Variants in PPP2CB observed in about 807,000 individuals in gnomAD.
PPP2CB encodes protein phosphatase 2 catalytic subunit beta.
PPP2CB carries 18 observed loss-of-function variants against 39.1 expected under a neutral mutation model. The observed-to-expected ratio is 0.46, with a 90% CI of 0.32 to 0.68. The LOEUF is 0.68. Ranked by LOEUF, PPP2CB falls within the 30% of genes least tolerant of loss-of-function variation. The pLI is 0.04. For missense variants in PPP2CB, 226 were observed against 396.9 expected (o/e 0.57, Z 3.66); for synonymous variants, 129 against 133.8 (o/e 0.96, Z 0.25).
At chr8:30,789,319 C>A (rs899306322) in intron 6 of PPP2CB, among the ~76,000 whole-genome samples, 7 of 152,180 alleles carry the variant, frequency 4.6e-5, no homozygotes, top group Non-Finnish European at 8.8e-5. Flanking sequence ...CATGAGCCAC[C>A]GTGCCTGACC....
chr8:30,791,213 T>C lies in PPP2CB; in HGVS notation c.841A>G (p.Thr281Ala). ...GTTACTCACAAGGAATATTTTAAAG[T>C]GTCATCTAATTCCATGATAGCAGCC... is the stretch of plus-strand genomic sequence containing the variant. ...NQAAIMELDD[T>A]LKYSFLQFDP... The change falls in exon 6 of 7, where the codon ACT (threonine) becomes GCT (alanine). Residue 281 changes from threonine (T) to alanine (A), a missense_variant. Thr to Ala is a moderately conservative substitution (Grantham distance 58). Transcript: ENST00000221138. 1.9e-6 allele frequency: 3 copies of C among 1,603,258 alleles called. No individual in the cohort carries two copies. Among genetic ancestry groups the C allele is most frequent in the Non-Finnish European group, 2.6e-6 (3 of 1,174,722 alleles).
chr8:30,805,614 C>T (rs1319679304), intron 1 of PPP2CB, among the ~76,000 whole-genome samples: 1 of 152,060 alleles, frequency 6.6e-6, no homozygotes, highest in Non-Finnish European at 1.5e-5. Context: ...AGCCTACACA[C>T]CGTATCCTGC....
intron 5 of PPP2CB, chr8:30,792,973 A>C (rs1176303398): frequency 6.6e-6 from 1 of 152,122 alleles, no homozygotes; most frequent in Non-Finnish European, 1.5e-5. Flanking sequence ...GCCACTCCCT[A>C]CTGGTCTGCA....
chr8:30,812,470 C>CAG lies in PPP2CB; in HGVS notation c.-50_-49insCT. 1 of 1,351,732 alleles carries CAG rather than the reference C, an allele frequency of 7.4e-7. No individual in the cohort carries two copies. The highest frequency in any genetic ancestry group is 9.8e-7 in the Non-Finnish European group (1 of 1,017,794). 83.7% of individuals were successfully genotyped at this position (1,351,732 alleles called of 1,614,324 possible). A position where few individuals can be genotyped will look rare whatever the true frequency, so the allele number is the denominator to read the frequency against. On this transcript the variant is annotated 5_prime_UTR_variant, in exon 1 of 7. Transcript: ENST00000221138. Reference sequence around the variant, plus strand: ...CCCGAGCCCCAGCCCGGCCGCCGCCCTCCCCCCTCCCCACCCGCCCCCGGC... The same window carrying CAG: ...CCCGAGCCCCAGCCCGGCCGCCGCCCAGTCCCCCCTCCCCACCCGCCCCCGGC...
intron 1 of PPP2CB, among the ~76,000 whole-genome samples, chr8:30,807,515 A>G (rs1477132711): frequency 6.6e-6 from 1 of 152,220 alleles, no homozygotes; most frequent in Non-Finnish European, 1.5e-5. Flanking sequence ...ACATATTTAT[A>G]CTTCTACACA....
chr8:30,794,156 CT>C (rs1806482859), intron 4 of PPP2CB, 35 bp downstream of exon 4: 1 of 1,607,636 alleles, frequency 6.2e-7, no homozygotes, highest in African/African-American at 1.3e-5. Context: ...GTTATATTTT[CT>C]TTTCCTTTCT....
At chr8:30,792,938 C>G (rs192280119) in intron 5 of PPP2CB, among the ~76,000 whole-genome samples, 2 of 151,812 alleles carry the variant, frequency 1.3e-5, no homozygotes, top group Non-Finnish European at 2.9e-5. Flanking sequence ...ACTGGGCTGG[C>G]GAAGTTTTCT....
At chr8:30,791,449 T>G (rs1806426875) in intron 5 of PPP2CB, 134 bp from the exon 6 acceptor site, 2 of 656,136 alleles carry the variant, frequency 3.0e-6, no homozygotes, top group Non-Finnish European at 5.3e-6. Context: ...CTATATAAGG[T>G]CTCCATCTTT....
intron 4 of PPP2CB, 23 bp from the exon 5 acceptor site, chr8:30,794,101 T>C (rs1445091174): frequency 1.9e-6 from 3 of 1,602,350 alleles, no homozygotes; most frequent in East Asian, 2.3e-5. Context: ...AATAAGTACA[T>C]GTTACAAATT....
chr8:30,796,533 C>A (rs1053918695), intron 3 of PPP2CB, among the ~76,000 whole-genome samples: 2 of 152,136 alleles, frequency 1.3e-5, no homozygotes, highest in African/African-American at 4.8e-5. Flanking sequence ...GGACTACAGG[C>A]ATGCAATGCC....
At chr8:30,792,983 A>C (rs1237180680) in intron 5 of PPP2CB, 1 of 152,134 alleles carries the variant, frequency 6.6e-6, no homozygotes, top group African/African-American at 2.4e-5. Context: ...ACTGGTCTGC[A>C]GGGATTATGT....
intron 1 of PPP2CB, among the ~76,000 whole-genome samples, chr8:30,803,825 T>C (rs898183926): frequency 6.6e-6 from 1 of 151,986 alleles, no homozygotes; most frequent in African/African-American, 2.4e-5. Flanking sequence ...TACAATTTTT[T>C]TTTTTTTTTG....
At chr8:30,787,522 T>C (rs188353883) in intron 6 of PPP2CB, among the ~76,000 whole-genome samples, 1 of 152,276 alleles carries the variant, frequency 6.6e-6, no homozygotes, top group East Asian at 1.9e-4. Context: ...GTATTCTTTG[T>C]AGATACAGGG....
At chr8:30,812,177 G>T in intron 1 of PPP2CB, 143 bp downstream of exon 1, 1 of 436,174 alleles carries the variant, frequency 2.3e-6, no homozygotes, top group South Asian at 1.1e-4. Context: ...CGGCCGCCTA[G>T]GTGGACGCCG....
intron 1 of PPP2CB, among the ~76,000 whole-genome samples, chr8:30,806,560 T>C (rs868066165): frequency 3.1e-4 from 47 of 152,222 alleles, no homozygotes; most frequent in Admixed American, 3.1e-3. Context: ...AGATTTCTTA[T>C]ACAGATTACT....
At chr8:30,788,724 T>C (rs967388219) in intron 6 of PPP2CB, among the ~76,000 whole-genome samples, 3 of 152,262 alleles carry the variant, frequency 2.0e-5, no homozygotes, top group Non-Finnish European at 2.9e-5. Flanking sequence ...ACATGAGGTA[T>C]ACAGTCAGTT....
At chr8:30,809,933 T>TCCCC (rs11319734) in intron 1 of PPP2CB, 3 of 144,510 alleles carry the variant, frequency 2.1e-5, no homozygotes, top group African/African-American at 7.6e-5. Flanking sequence ...CAAGACTGCG[T>TCCCC]CCCCCCCCCG....
intron 3 of PPP2CB, 74 bp from the exon 4 acceptor site, chr8:30,794,355 T>C: frequency 7.8e-7 from 1 of 1,290,236 alleles, no homozygotes; most frequent in Non-Finnish European, 1.1e-6. Flanking sequence ...TAAATAATGG[T>C]TAAAAGTGTC....
At chr8:30,790,852 C>A in intron 6 of PPP2CB, 1 of 183,044 alleles carries the variant, frequency 5.5e-6, no homozygotes, top group Non-Finnish European at 1.1e-5. Context: ...CTGACTATAC[C>A]AACCCAGCGT....
Sources: allele counts gnomAD v4.1 joint callset (sites outside exome capture counted in the v4.1 genomes callset), GRCh38; gene constraint gnomAD v4.1.1; transcripts MANE v1.5; gene names NCBI Gene and HGNC (gene_info 2026-07-23, HGNC 2026-07-21).